The following NXPH1 variants were observed in gnomAD, a reference collection of about 807,000 sequenced individuals.
NXPH1 encodes neurexophilin 1.
In NXPH1, 5 loss-of-function variants were observed where a neutral mutation model predicts 23.7. The ratio of observed to expected loss-of-function variants is 0.21; its 90% CI spans 0.11 to 0.44. The LOEUF (loss-of-function observed/expected upper bound fraction) is 0.44, where lower values mean the gene tolerates loss of function less well. NXPH1 is among the 20% of genes least tolerant of loss of function. NXPH1 has a pLI of 0.99. For synonymous variants in NXPH1, 144 were observed against 122.2 expected (o/e 1.18, Z -1.18); for missense variants, 324 against 321.6 (o/e 1.01, Z -0.06).
intron 2 of NXPH1, among the ~76,000 whole-genome samples, chr7:8,662,200 A>G (rs1178105743): frequency 6.6e-6 from 1 of 151,764 alleles, no homozygotes; most frequent in Non-Finnish European, 1.5e-5. Flanking sequence ...ACACACATAT[A>G]TATATACACA....
At chr7:8,617,634 TAGAATGGATC>T (rs1200189272) in intron 2 of NXPH1, among the ~76,000 whole-genome samples, 1 of 151,624 alleles carries the variant, frequency 6.6e-6, no homozygotes, top group Non-Finnish European at 1.5e-5. Context: ...ACATAGAGAG[TAGAATGGATC>T]AGAGGCTGGG....
intron 2 of NXPH1, among the ~76,000 whole-genome samples, chr7:8,671,447 C>T (rs1173204090): frequency 6.6e-6 from 1 of 152,126 alleles, no homozygotes; most frequent in East Asian, 1.9e-4. Context: ...TACTGATGCT[C>T]TCCCTCAGTT....
At chr7:8,604,510 C>G (rs1819435986) in intron 2 of NXPH1, among the ~76,000 whole-genome samples, 2 of 152,046 alleles carry the variant, frequency 1.3e-5, no homozygotes, top group African/African-American at 4.8e-5. Flanking sequence ...TTGCCTTTCT[C>G]TCACCACATT....
chr7:8,711,426 T>TTAAA (rs1554267293), intron 2 of NXPH1, among the ~76,000 whole-genome samples: 2 of 152,210 alleles, frequency 1.3e-5, no homozygotes, highest in African/African-American at 4.8e-5. Context: ...GGCATGTAAG[T>TTAAA]TAAAATAAAG....
At chr7:8,605,924 T>G (rs1191249266) in intron 2 of NXPH1, among the ~76,000 whole-genome samples, 1 of 152,160 alleles carries the variant, frequency 6.6e-6, no homozygotes, top group Non-Finnish European at 1.5e-5. Flanking sequence ...CTTTGTTATT[T>G]TCTTCCATAC....
At chr7:8,477,714 A>G (rs117088609) in intron 2 of NXPH1, among the ~76,000 whole-genome samples, 4,191 of 152,260 alleles carry the variant, frequency 0.028, 90 homozygotes, top group Middle Eastern at 0.048. Flanking sequence ...TGGCTGCATC[A>G]GGATCACATA....
chr7:8,485,837 A>G (rs75560796), intron 2 of NXPH1, among the ~76,000 whole-genome samples: 6,464 of 152,248 alleles, frequency 0.042, 463 homozygotes, highest in African/African-American at 0.15. Context: ...ACCCTCTGTG[A>G]AAATGAAAAG....
At chr7:8,683,587 T>G (rs1436612112) in intron 2 of NXPH1, among the ~76,000 whole-genome samples, 1 of 152,202 alleles carries the variant, frequency 6.6e-6, no homozygotes, top group African/African-American at 2.4e-5. Flanking sequence ...GACAAGATCA[T>G]TTCTGGGTTT....
chr7:8,552,114 CAAA>C lies in NXPH1; in HGVS notation c.54+116373_54+116375del, dbSNP rs34390317. ...CTCCAATTGTCTGCAGAAAAAAAAC[CAAA>C]AAAAAAAAAAAAAAAAAAAAAAAAA... On this transcript the variant is annotated intron_variant, in intron 2 of 2. Coordinates refer to ENST00000405863, the MANE Select transcript of NXPH1 (RefSeq NM_152745.3). 5.5e-3 allele frequency among the ~76,000 whole-genome samples: 340 copies of C among 61,724 alleles called. 1 individual carries two copies. Among genetic ancestry groups the C allele is most frequent in the African/African-American group, 0.016 (222 of 14,314 alleles). The allele number at this position is 61,724 out of a possible 152,430, so 40.5% of individuals were successfully genotyped here.
At chr7:8,567,213 G>C (rs977363283) in intron 2 of NXPH1, among the ~76,000 whole-genome samples, 2 of 151,722 alleles carry the variant, frequency 1.3e-5, no homozygotes, top group South Asian at 2.1e-4. Flanking sequence ...GTTCTTTTGG[G>C]TTTTCTAGAA....
chr7:8,477,295 T>A (rs375119101), intron 2 of NXPH1, among the ~76,000 whole-genome samples: 43 of 152,228 alleles, frequency 2.8e-4, no homozygotes, highest in Admixed American at 1.6e-3. Context: ...TACTCTTACT[T>A]GTTCCCCTCC....
intron 2 of NXPH1, among the ~76,000 whole-genome samples, chr7:8,497,130 C>G (rs947022779): frequency 3.9e-5 from 6 of 152,166 alleles, no homozygotes; most frequent in Middle Eastern, 3.4e-3. Flanking sequence ...TCTGTCCTTG[C>G]GATAGTTTTC....
chr7:8,608,182 T>G (rs547025305), intron 2 of NXPH1, among the ~76,000 whole-genome samples: 39 of 152,324 alleles, frequency 2.6e-4, no homozygotes, highest in African/African-American at 8.9e-4. Flanking sequence ...CTGAGGAAAC[T>G]AATACAAATT....
At chr7:8,501,175 G>A (rs868402487) in intron 2 of NXPH1, among the ~76,000 whole-genome samples, 26 of 152,074 alleles carry the variant, frequency 1.7e-4, no homozygotes, top group Admixed American at 1.2e-3. Flanking sequence ...TTGAGCTCTA[G>A]GGATCTGCCT....
intron 2 of NXPH1, among the ~76,000 whole-genome samples, chr7:8,654,077 G>T (rs879552449): frequency 6.6e-6 from 1 of 152,146 alleles, no homozygotes; most frequent in Non-Finnish European, 1.5e-5. Flanking sequence ...TGGCTAGCAG[G>T]ACAGCAGAAA....
intron 2 of NXPH1, among the ~76,000 whole-genome samples, chr7:8,536,931 G>A (rs988138975): frequency 6.6e-6 from 1 of 151,960 alleles, no homozygotes; most frequent in Non-Finnish European, 1.5e-5. Flanking sequence ...GGCAAGCCTT[G>A]ATGGTGGCCA....
intron 2 of NXPH1, among the ~76,000 whole-genome samples, chr7:8,563,823 G>A (rs931958497): frequency 6.6e-6 from 1 of 151,762 alleles, no homozygotes; most frequent in African/African-American, 2.4e-5. Flanking sequence ...CACTTATTGT[G>A]GTTAACTGGC....
At chr7:8,701,224 C>G (rs980700828) in intron 2 of NXPH1, among the ~76,000 whole-genome samples, 1 of 152,024 alleles carries the variant, frequency 6.6e-6, no homozygotes, top group Non-Finnish European at 1.5e-5. Flanking sequence ...AAATGTAATT[C>G]TATAATGGTA....
chr7:8,641,670 G>A (rs570763576), intron 2 of NXPH1, among the ~76,000 whole-genome samples: 1 of 151,948 alleles, frequency 6.6e-6, no homozygotes, highest in African/African-American at 2.4e-5. Flanking sequence ...CCCACCTTGA[G>A]GGATGAGAAT....
Sources: gnomAD v4.1 joint callset for allele counts (sites outside exome capture counted in the v4.1 genomes callset) on GRCh38, gnomAD v4.1.1 for gene constraint, MANE v1.5 for transcripts, NCBI Gene and HGNC (gene_info 2026-07-23, HGNC 2026-07-21) for gene names.